BAIAP2: variants seen among roughly 807,000 people sequenced by gnomAD.
BAIAP2 encodes BAR/IMD domain-containing adapter protein 2.
A neutral mutation model predicts 63.0 loss-of-function variants in BAIAP2; 18 were observed. The observed-to-expected ratio is 0.29, with a 90% CI of 0.20 to 0.42. BAIAP2 has a LOEUF of 0.42. BAIAP2 is among the 10% of genes least tolerant of loss of function. The probability of loss-of-function intolerance (pLI) is 1.00; values close to 1 mark genes in which losing one functional copy is unlikely to be tolerated. For synonymous variants in BAIAP2, 386 were observed against 307.6 expected (o/e 1.25, Z -2.67); for missense variants, 610 against 734.3 (o/e 0.83, Z 1.96).
chr17:81,065,010 C>G (rs1043481067), intron 3 of BAIAP2, among the ~76,000 whole-genome samples: 9 of 152,232 alleles, frequency 5.9e-5, no homozygotes, highest in Non-Finnish European at 1.2e-4. Flanking sequence ...CATGGTGTTT[C>G]TCCCTTCCAG....
At position 81,047,371 on chromosome 17, in the gene BAIAP2, G is replaced by A. The variant is rs577914901; in HGVS notation, c.55-6297G>A. ...ATGGAGGGGCTGGGTGAGGATTAGGGTGATGAGGGTCTAAGGCAGCCGGAG... is the reference window on the plus strand; with the variant it reads ...ATGGAGGGGCTGGGTGAGGATTAGGATGATGAGGGTCTAAGGCAGCCGGAG... On this transcript the variant is annotated intron_variant, in intron 1 of 13. Coordinates refer to ENST00000428708, the MANE Select transcript of BAIAP2 (RefSeq NM_001144888.2). 7.9e-5 allele frequency among the ~76,000 whole-genome samples: 12 copies of A among 152,200 alleles called. No individual in the cohort carries two copies. The South Asian group carries it at 1.4e-3, about 18-fold the overall frequency.
intron 6 of BAIAP2, among the ~76,000 whole-genome samples, chr17:81,088,740 C>T (rs117557843): frequency 0.011 from 1,692 of 152,372 alleles, 16 homozygotes; most frequent in Non-Finnish European, 0.019. Flanking sequence ...AAATCGTGTT[C>T]CATCGTGTGG....
chr17:81,058,245 T>C (rs1568090601), intron 3 of BAIAP2, among the ~76,000 whole-genome samples: 1 of 152,024 alleles, frequency 6.6e-6, no homozygotes, highest in East Asian at 1.9e-4. Flanking sequence ...GCGGCTGACA[T>C]GGGGGTCTGT....
At chr17:81,059,092 A>G (rs2050113426) in intron 3 of BAIAP2, among the ~76,000 whole-genome samples, 1 of 151,858 alleles carries the variant, frequency 6.6e-6, no homozygotes, top group Non-Finnish European at 1.5e-5. Flanking sequence ...TGCCGGCCGC[A>G]CTTCGCAGCC....
Position 81,085,737 on chromosome 17 carries a change from C to G in BAIAP2, c.351+12C>G. On this transcript the variant is annotated intron_variant, in intron 5 of 13. Coordinates refer to ENST00000428708, the MANE Select transcript of BAIAP2 (RefSeq NM_001144888.2). ...CCAGGTATCTGAGTGTAAGTGCACCCTGGCCGTGCCTGCTGGGCCCTGTGC... is the reference window on the plus strand; with the variant it reads ...CCAGGTATCTGAGTGTAAGTGCACCGTGGCCGTGCCTGCTGGGCCCTGTGC... 6.2e-7 allele frequency: 1 copy of G among 1,609,424 alleles called. No individual in the cohort carries two copies. The highest frequency in any genetic ancestry group is 1.1e-5 in the South Asian group (1 of 90,962).
At chr17:81,105,973 G>A (rs558470527) in intron 10 of BAIAP2, 105 bp from the exon 11 acceptor site, 7 of 959,568 alleles carry the variant, frequency 7.3e-6, no homozygotes, top group Admixed American at 2.2e-5. Context: ...AGACAGCCGC[G>A]CAGCCATGCT....
chr17:81,050,893 C>T (rs922680948), intron 1 of BAIAP2, among the ~76,000 whole-genome samples: 1 of 151,722 alleles, frequency 6.6e-6, no homozygotes, highest in African/African-American at 2.4e-5. Context: ...TCACAAGAAA[C>T]GCGCATCCGG....
intron 1 of BAIAP2, chr17:81,037,015 A>G (rs2143243642): frequency 6.9e-7 from 1 of 1,451,498 alleles, no homozygotes; most frequent in South Asian, 1.2e-5. Flanking sequence ...ATCGTCCTTA[A>G]TAAAACTCTC....
At chr17:81,114,528 TGA>T (rs753269917) in intron 13 of BAIAP2, among the ~76,000 whole-genome samples, 5 of 152,172 alleles carry the variant, frequency 3.3e-5, no homozygotes, top group Non-Finnish European at 4.4e-5. Context: ...TCCAGCACGT[TGA>T]GAGTAGATCA....
intron 7 of BAIAP2, among the ~76,000 whole-genome samples, chr17:81,103,238 C>T (rs915280609): frequency 6.6e-6 from 1 of 152,248 alleles, no homozygotes; most frequent in Non-Finnish European, 1.5e-5. Flanking sequence ...TGATGGGCCC[C>T]GCGGGCGTTG....
At chr17:81,104,362 G>A in intron 9 of BAIAP2, 152 bp from the exon 10 acceptor site, 1 of 905,496 alleles carries the variant, frequency 1.1e-6, no homozygotes, top group South Asian at 1.6e-5. Context: ...AGCCACTTGG[G>A]AGCAGGTAGC....
At chr17:81,100,775 G>T (rs752845609) in intron 7 of BAIAP2, among the ~76,000 whole-genome samples, 6 of 152,110 alleles carry the variant, frequency 3.9e-5, no homozygotes, top group Non-Finnish European at 8.8e-5. Context: ...CTCTCAGGTG[G>T]CCTCCCCAGT....
intron 1 of BAIAP2, among the ~76,000 whole-genome samples, chr17:81,052,598 A>AT (rs147882963): frequency 0.03 from 4,576 of 152,334 alleles, 241 homozygotes; most frequent in African/African-American, 0.1. Context: ...AGGGCAGGGG[A>AT]TGGAACACTC....
intron 3 of BAIAP2, among the ~76,000 whole-genome samples, chr17:81,080,586 C>T (rs981415432): frequency 6.6e-6 from 1 of 152,212 alleles, no homozygotes; most frequent in African/African-American, 2.4e-5. Context: ...TTTTTGGATT[C>T]AGCAGTCCCT....
At chr17:81,101,654 C>T (rs981557200) in intron 7 of BAIAP2, among the ~76,000 whole-genome samples, 4 of 152,028 alleles carry the variant, frequency 2.6e-5, no homozygotes, top group South Asian at 2.1e-4. Context: ...CACACACGCA[C>T]GTGATACAGA....
At chr17:81,059,383 C>A (rs2050165966) in intron 3 of BAIAP2, among the ~76,000 whole-genome samples, 1 of 152,210 alleles carries the variant, frequency 6.6e-6, no homozygotes, top group Non-Finnish European at 1.5e-5. Context: ...CCTTGGAGCT[C>A]CTGGGCCCTG....
At chr17:81,086,721 T>G in intron 6 of BAIAP2, 141 bp downstream of exon 6, 1 of 980,124 alleles carries the variant, frequency 1.0e-6, no homozygotes, top group Non-Finnish European at 1.5e-6. Flanking sequence ...CTGGTAGACC[T>G]CGGGAGCGGT....
Position 81,086,580 on chromosome 17 carries a change from G to A in BAIAP2, c.489G>A (p.Gln163=). ...NPQKYSDKEL[Q]YIDAISNKQG... is the part of the protein sequence containing the mutation. The stretch of plus-strand genomic sequence containing the variant: ...AGAAGTACTCGGACAAGGAGCTGCA[G>A]GTAGGCCCGCCACCCCCGCTGTGGT... The change falls in exon 6 of 14, where the codon CAG becomes CAA. Residue 163 remains glutamine (Q), a splice_region_variant and synonymous_variant. Transcript: ENST00000428708. 6.2e-7 allele frequency: 1 copy of A among 1,612,844 alleles called. No individual in the cohort carries two copies. Among genetic ancestry groups the A allele is most frequent in the Non-Finnish European group, 8.5e-7 (1 of 1,179,956 alleles).
At chr17:81,080,865 A>G (rs928719142) in intron 3 of BAIAP2, among the ~76,000 whole-genome samples, 7 of 152,158 alleles carry the variant, frequency 4.6e-5, no homozygotes, top group Admixed American at 3.9e-4. Context: ...AATAAAAAAA[A>G]TGGGATATGG....
Sources: gnomAD v4.1 joint callset for allele counts (sites outside exome capture counted in the v4.1 genomes callset) on GRCh38, gnomAD v4.1.1 for gene constraint, MANE v1.5 for transcripts, NCBI Gene and HGNC (gene_info 2026-07-23, HGNC 2026-07-21) for gene names.